The following APOBEC3G variants were observed in gnomAD, a reference collection of about 807,000 sequenced individuals.
The protein encoded by APOBEC3G is apolipoprotein B mRNA editing enzyme catalytic subunit 3G.
APOBEC3G carries 44 observed loss-of-function variants against 50.0 expected under a neutral mutation model. The observed-to-expected ratio is 0.88, with a 90% CI of 0.69 to 1.13. The LOEUF is 1.13. Among genes scored for constraint, APOBEC3G ranks in the 50% most tolerant of loss-of-function variants. The pLI is 0.00. For synonymous variants in APOBEC3G, 156 were observed against 175.3 expected (o/e 0.89, Z 0.87); for missense variants, 469 against 492.0 (o/e 0.95, Z 0.44).
chr22:39,081,611 G>A (rs118032369), intron 4 of APOBEC3G, 26 bp downstream of exon 4: 35 of 1,574,776 alleles, frequency 2.2e-5, no homozygotes, highest in Non-Finnish European at 2.8e-5. Flanking sequence ...CAGGCTCATC[G>A]CCTCGCTCCT....
At chr22:39,083,064 G>A (rs566555640) in intron 4 of APOBEC3G, 5 of 152,388 alleles carry the variant, frequency 3.3e-5, no homozygotes, top group Non-Finnish European at 7.3e-5. Context: ...GGGCTCTGCA[G>A]AGTCCTATCA....
chr22:39,078,922 G>T lies in APOBEC3G; in HGVS notation c.18-10G>T, dbSNP rs766600046. 6.2e-7 allele frequency: 1 copy of T among 1,613,334 alleles called. No individual in the cohort carries two copies. Among genetic ancestry groups the T allele is most frequent in the Non-Finnish European group, 8.5e-7 (1 of 1,179,526 alleles). On this transcript the variant is annotated splice_polypyrimidine_tract_variant and intron_variant, in intron 1 of 7. Coordinates refer to ENST00000407997, the MANE Select transcript of APOBEC3G (RefSeq NM_021822.4). ...CTCTACATTGGCTGGTTTCTCTCTT[G>T]TGTCTTCAGAAACACAGTGGAGCGA...
At position 39,078,944 on chromosome 22, in the gene APOBEC3G, G is replaced by T; in HGVS notation, c.30G>T (p.Glu10Asp). Reference protein sequence around the residue: MKPHFRNTVERMYRDTFSYN... With the variant: MKPHFRNTVDRMYRDTFSYN... ...CTTGTGTCTTCAGAAACACAGTGGA[G>T]CGAATGTATCGAGACACATTCTCCT... Residue 10 changes from glutamate to aspartate, a missense_variant, in exon 2 of 8, where the codon GAG becomes GAT. Coordinates refer to ENST00000407997, the MANE Select transcript of APOBEC3G (RefSeq NM_021822.4). The T allele has an allele frequency of 1.2e-6, 2 of 1,613,968 alleles. No homozygotes were observed. The highest frequency in any genetic ancestry group is 1.7e-6 in the Non-Finnish European group (2 of 1,179,882).
intron 1 of APOBEC3G, 105 bp from the exon 2 acceptor site, chr22:39,078,827 G>C (rs941878215): frequency 1.4e-6 from 2 of 1,460,628 alleles, no homozygotes; most frequent in Non-Finnish European, 1.8e-6. Flanking sequence ...GGGGAGGGAT[G>C]GGGGAGGCCT....
At chr22:39,087,260 C>T in intron 7 of APOBEC3G, 134 bp downstream of exon 7, 2 of 1,598,056 alleles carry the variant, frequency 1.3e-6, no homozygotes, top group Admixed American at 1.7e-5. Context: ...CTCTGTCCCT[C>T]CCTTTCCTTC....
At chr22:39,083,244 A>G (rs1427014712) in intron 4 of APOBEC3G, 1 of 152,610 alleles carries the variant, frequency 6.6e-6, no homozygotes, top group Non-Finnish European at 1.5e-5. Context: ...TTAAAAAAAA[A>G]CAAAAAAACT....
intron 5 of APOBEC3G, among the ~76,000 whole-genome samples, chr22:39,084,648 C>T (rs990991989): frequency 5.3e-5 from 8 of 152,310 alleles, no homozygotes; most frequent in Middle Eastern, 3.4e-3. Flanking sequence ...CCTCACAAGG[C>T]CAGGATTCCC....
chr22:39,083,706 T>C, intron 4 of APOBEC3G, 25 bp from the exon 5 acceptor site: 9 of 1,611,968 alleles, frequency 5.6e-6, no homozygotes, highest in Non-Finnish European at 7.6e-6. Context: ...CTCTTACTCC[T>C]CTGGGCTTTT....
intron 6 of APOBEC3G, among the ~76,000 whole-genome samples, 188 bp downstream of exon 6, chr22:39,086,755 G>C (rs1928713717): frequency 6.6e-6 from 1 of 152,070 alleles, no homozygotes; most frequent in African/African-American, 2.4e-5. Flanking sequence ...GCCAGGAGAT[G>C]TGGACCTGGG....
At chr22:39,081,667 C>T (rs1928466294) in intron 4 of APOBEC3G, 82 bp downstream of exon 4, 4 of 1,179,006 alleles carry the variant, frequency 3.4e-6, no homozygotes, top group Non-Finnish European at 5.0e-6. Context: ...TGTTCCAGAC[C>T]AGGTCCTCTC....
chr22:39,077,369 C>G lies in APOBEC3G; in HGVS notation c.8C>G (p.Pro3Arg), dbSNP rs1334409266. 1.9e-6 allele frequency: 3 copies of G among 1,582,262 alleles called. No individual in the cohort carries two copies. The highest frequency in any genetic ancestry group is 2.6e-6 in the Non-Finnish European group (3 of 1,163,864). ...GGGACTAGCCGGCCAAGGATGAAGCCTCACTTCAGGTACCGCTGCCCGCTC... is the reference window on the plus strand; with the variant it reads ...GGGACTAGCCGGCCAAGGATGAAGCGTCACTTCAGGTACCGCTGCCCGCTC... MKPHFRNTVERMY... is the reference protein window; with the variant it reads MKRHFRNTVERMY... Residue 3 changes from proline (P) to arginine (R), a missense_variant, in exon 1 of 8, where the codon CCT becomes CGT. Physicochemically the swap from Pro to Arg is moderately radical, Grantham distance 103. Transcript: ENST00000407997.
chr22:39,081,833 A>C, intron 4 of APOBEC3G: 2 of 440,638 alleles, frequency 4.5e-6, no homozygotes, highest in South Asian at 3.0e-5. Flanking sequence ...CTCCAGAGCA[A>C]CCTCCATCCA....
chr22:39,083,826 G>T lies in APOBEC3G; in HGVS notation c.677G>T (p.Arg226Leu). The T allele has an allele frequency of 1.2e-6, 2 of 1,613,968 alleles. No homozygotes were observed. The highest frequency in any genetic ancestry group is 1.3e-5 in the African/African-American group (1 of 75,016). The change falls in exon 5 of 8, where the codon CGC becomes CTC. Residue 226 changes from arginine to leucine, a missense_variant. Coordinates refer to ENST00000407997, the MANE Select transcript of APOBEC3G (RefSeq NM_021822.4). ...ACTTACCTGTGTTATGAGGTGGAGC[G>T]CATGCACAATGACACCTGGGTCCTG... ...HETYLCYEVERMHNDTWVLLN... is the reference protein window; with the variant it reads ...HETYLCYEVELMHNDTWVLLN...
intron 2 of APOBEC3G, chr22:39,080,336 C>A: frequency 3.0e-6 from 1 of 333,854 alleles, no homozygotes; most frequent in Non-Finnish European, 4.3e-6. Context: ...CAGGGAAGCA[C>A]GTGTCTTGGT....
chr22:39,087,111 G>C lies in APOBEC3G; in HGVS notation c.1125G>C (p.Leu375=), dbSNP rs868061842. The change falls in exon 7 of 8, where the codon CTG becomes CTC. Residue 375 remains leucine (L), a synonymous_variant. Coordinates refer to ENST00000407997, the MANE Select transcript of APOBEC3G (RefSeq NM_021822.4). Reference sequence around the variant, plus strand: ...ACAGCCAAGACCTGAGTGGGAGGCTGCGGGCCATTCTCCAGGTGAGGGCTT... The same window carrying C: ...ACAGCCAAGACCTGAGTGGGAGGCTCCGGGCCATTCTCCAGGTGAGGGCTT... The part of the protein sequence containing the change: ...DEHSQDLSGR[L]RAILQNQEN 6.2e-7 allele frequency: 1 copy of C among 1,613,886 alleles called. No homozygotes were observed. The highest frequency in any genetic ancestry group is 1.7e-5 in the Admixed American group (1 of 60,002).
At chr22:39,085,303 G>A (rs1740410698) in intron 5 of APOBEC3G, among the ~76,000 whole-genome samples, 1 of 152,170 alleles carries the variant, frequency 6.6e-6, no homozygotes, top group South Asian at 2.1e-4. Context: ...TCACTCGTGG[G>A]CTTAATACAG....
At chr22:39,078,837 T>G (rs1485355999) in intron 1 of APOBEC3G, 95 bp from the exon 2 acceptor site, 1 of 1,526,008 alleles carries the variant, frequency 6.6e-7, no homozygotes, top group African/African-American at 1.4e-5. Context: ...GGGGGAGGCC[T>G]AGAGCCGTCC....
chr22:39,081,924 A>G (rs1321590828), intron 4 of APOBEC3G: 4 of 247,080 alleles, frequency 1.6e-5, no homozygotes, highest in Non-Finnish European at 3.2e-5. Context: ...GGACGTAGTA[A>G]GTGGGCATGA....
intron 1 of APOBEC3G, chr22:39,078,715 T>C (rs746088131): frequency 5.1e-6 from 3 of 586,750 alleles, no homozygotes; most frequent in Non-Finnish European, 8.7e-6. Flanking sequence ...TCTGTCTCTC[T>C]CTCTCTTTTT....
Sources: gnomAD v4.1 joint callset for allele counts (sites outside exome capture counted in the v4.1 genomes callset) on GRCh38, gnomAD v4.1.1 for gene constraint, MANE v1.5 for transcripts, NCBI Gene and HGNC (gene_info 2026-07-23, HGNC 2026-07-21) for gene names.